ADARB2: variants seen among roughly 807,000 people sequenced by gnomAD.
ADARB2 encodes the protein inactive double-stranded RNA-specific editase B2.
A neutral mutation model predicts 62.2 loss-of-function variants in ADARB2; 25 were observed. The observed-to-expected ratio is 0.40, with a 90% CI of 0.29 to 0.56. ADARB2 has a LOEUF of 0.56. Ranked by LOEUF, ADARB2 falls within the 20% of genes least tolerant of loss-of-function variation. The probability of loss-of-function intolerance (pLI) is 0.43; values close to 1 mark genes in which losing one functional copy is unlikely to be tolerated. For synonymous variants in ADARB2, 572 were observed against 500.8 expected, an observed-to-expected ratio of 1.14 and a Z score of -1.90; for missense variants, 1,071 against 1,077.4, an observed-to-expected ratio of 0.99 and a Z score of 0.08.
intron 1 of ADARB2, among the ~76,000 whole-genome samples, chr10:1,498,818 T>A (rs997867747): frequency 3.3e-5 from 5 of 152,198 alleles, no homozygotes; most frequent in African/African-American, 1.2e-4. Flanking sequence ...ATTCATTCAT[T>A]ATTCACTCAT....
At chr10:1,682,725 C>T (rs1224747768) in intron 1 of ADARB2, among the ~76,000 whole-genome samples, 7 of 152,132 alleles carry the variant, frequency 4.6e-5, no homozygotes, top group South Asian at 2.1e-4. Context: ...CGTGGCCAGG[C>T]GTGTCCTGGG....
intron 1 of ADARB2, among the ~76,000 whole-genome samples, chr10:1,646,905 G>T (rs975786646): frequency 1.3e-5 from 2 of 152,190 alleles, no homozygotes; most frequent in Non-Finnish European, 1.5e-5. Context: ...GCGTGCCTGC[G>T]ACCAGCATGC....
chr10:1,436,496 C>G (rs1830836722), intron 1 of ADARB2, among the ~76,000 whole-genome samples: 3 of 152,200 alleles, frequency 2.0e-5, no homozygotes, highest in Admixed American at 6.5e-5. Flanking sequence ...ACCATTGGAA[C>G]TGGGTTATTC....
intron 3 of ADARB2, among the ~76,000 whole-genome samples, chr10:1,356,194 C>CAG (rs1832193468): frequency 6.6e-6 from 1 of 152,192 alleles, no homozygotes; most frequent in Non-Finnish European, 1.5e-5. Flanking sequence ...ACTGTTTTTC[C>CAG]TTCCCTAAAA....
intron 3 of ADARB2, among the ~76,000 whole-genome samples, chr10:1,306,179 T>C (rs1026995174): frequency 6.6e-6 from 1 of 150,382 alleles, no homozygotes; most frequent in Non-Finnish European, 1.5e-5. Context: ...CAGCCCAAAA[T>C]CTCCTTAAGC....
At chr10:1,609,518 GCTGCCATCT>G (rs1367666578) in intron 1 of ADARB2, among the ~76,000 whole-genome samples, 2 of 152,244 alleles carry the variant, frequency 1.3e-5, no homozygotes, top group African/African-American at 4.8e-5. Context: ...GCATCCAACA[GCTGCCATCT>G]CTTCCCTTAT....
At chr10:1,288,236 CAG>C (rs1180472409) in intron 3 of ADARB2, among the ~76,000 whole-genome samples, 5 of 152,222 alleles carry the variant, frequency 3.3e-5, no homozygotes, top group East Asian at 3.8e-4. Context: ...AAGAATCAAT[CAG>C]AATTTATTGT....
At chr10:1,349,803 C>T (rs11592200) in intron 3 of ADARB2, among the ~76,000 whole-genome samples, 63,530 of 151,842 alleles carry the variant, frequency 0.42, 13,905 homozygotes, top group East Asian at 0.81. Context: ...GGGGACGCCT[C>T]TCTGATTATT....
intron 1 of ADARB2, among the ~76,000 whole-genome samples, chr10:1,455,264 G>A (rs1346100897): frequency 6.6e-6 from 1 of 152,156 alleles, no homozygotes; most frequent in Admixed American, 6.5e-5. Flanking sequence ...GCGCCACCTG[G>A]AAGAAATGTA....
chr10:1,540,408 G>T (rs1453580226), intron 1 of ADARB2, among the ~76,000 whole-genome samples: 2 of 127,340 alleles, frequency 1.6e-5, no homozygotes, highest in African/African-American at 2.7e-5. Flanking sequence ...AGTCTCACCT[G>T]CGGCCTTAGA....
intron 1 of ADARB2, among the ~76,000 whole-genome samples, chr10:1,591,655 G>GCACA (rs113613762): frequency 0.28 from 24,476 of 86,884 alleles, 2,280 homozygotes; most frequent in East Asian, 0.48. Flanking sequence ...ACAGAGGCGT[G>GCACA]CACGCACACA....
intron 1 of ADARB2, among the ~76,000 whole-genome samples, chr10:1,718,623 T>C (rs1835051186): frequency 6.6e-6 from 1 of 152,024 alleles, no homozygotes; most frequent in African/African-American, 2.4e-5. Flanking sequence ...CGTTTAGAGA[T>C]TGCAGCTGGC....
At chr10:1,324,349 G>A (rs1292144894) in intron 3 of ADARB2, among the ~76,000 whole-genome samples, 7 of 152,152 alleles carry the variant, frequency 4.6e-5, no homozygotes, top group Non-Finnish European at 7.4e-5. Flanking sequence ...TAAACTAAAC[G>A]TGATTACAAT....
intron 1 of ADARB2, among the ~76,000 whole-genome samples, chr10:1,563,713 C>G (rs1564331772): frequency 6.6e-6 from 1 of 150,634 alleles, no homozygotes; most frequent in Non-Finnish European, 1.5e-5. Context: ...ATGTGCCATG[C>G]TGGTGCACTG....
chr10:1,437,844 C>A (rs777677260), intron 1 of ADARB2, among the ~76,000 whole-genome samples: 1 of 152,132 alleles, frequency 6.6e-6, no homozygotes, highest in Non-Finnish European at 1.5e-5. Context: ...GGATATGGGA[C>A]GTGTAGGGCA....
At position 1,304,152 on chromosome 10, in the gene ADARB2, T is replaced by C. The variant is rs529457014; in HGVS notation, c.1078-33083A>G. Among the ~76,000 whole-genome samples, 26 of 152,084 alleles carry C rather than the reference T, an allele frequency of 1.7e-4. 1 individual carries two copies. The South Asian group carries it at 5.0e-3, about 29-fold the overall frequency. ...CCCATCTCATGTGCAGAGACACACA[T>C]AGGCTCAAAATAAAGGGATGGAGGA... On this transcript the variant is annotated intron_variant, in intron 3 of 9. Transcript: ENST00000381312.
At chr10:1,613,489 G>A (rs1390837669) in intron 1 of ADARB2, among the ~76,000 whole-genome samples, 4 of 152,188 alleles carry the variant, frequency 2.6e-5, no homozygotes, top group Non-Finnish European at 5.9e-5. Flanking sequence ...CAGCAGCAGG[G>A]TGGGGTAACT....
intron 7 of ADARB2, among the ~76,000 whole-genome samples, chr10:1,213,911 G>T (rs931164938): frequency 6.8e-6 from 1 of 147,306 alleles, no homozygotes; most frequent in Non-Finnish European, 1.5e-5. Flanking sequence ...CCAGTGTTGC[G>T]TGGGTTTGCA....
chr10:1,715,237 G>A (rs373687362), intron 1 of ADARB2, among the ~76,000 whole-genome samples: 44 of 152,008 alleles, frequency 2.9e-4, no homozygotes, highest in South Asian at 1.9e-3. Context: ...CATTTCATTC[G>A]ATGCTCAGTT....
Sources: gnomAD v4.1 joint callset for allele counts (sites outside exome capture counted in the v4.1 genomes callset) on GRCh38, gnomAD v4.1.1 for gene constraint, MANE v1.5 for transcripts, NCBI Gene and HGNC (gene_info 2026-07-23, HGNC 2026-07-21) for gene names.